ZNF41: variants seen among roughly 807,000 people sequenced by gnomAD.
ZNF41 encodes zinc finger protein 41.
A neutral mutation model predicts 9.3 loss-of-function variants in ZNF41; 6 were observed. That is an observed-to-expected ratio of 0.65 (90% CI 0.35 to 1.28). The LOEUF is 1.28. ZNF41 is among the 50% of genes most tolerant of loss of function. The probability of loss-of-function intolerance (pLI) is 0.03; values close to 1 mark genes in which losing one functional copy is unlikely to be tolerated. For missense variants in ZNF41, 523 were observed against 585.8 expected (o/e 0.89, Z 1.11); for synonymous variants, 192 against 207.1 (o/e 0.93, Z 0.63).
At chrX:47,467,817 G>T in intron 1 of ZNF41, 57 bp from the exon 2 acceptor site, 1 of 288,578 alleles carries the variant, frequency 3.5e-6, no homozygotes, top group South Asian at 6.1e-5. Context: ...AAAACATGGG[G>T]AAAATTCACA....
chrX:47,480,570 G>A, intron 1 of ZNF41, among the ~76,000 whole-genome samples: 1 of 110,165 alleles, frequency 9.1e-6, no homozygotes, highest in Non-Finnish European at 1.9e-5. Flanking sequence ...CTTAATAGAT[G>A]ATTTTTTAAA....
chrX:47,469,298 G>A (rs1194255012), intron 1 of ZNF41, among the ~76,000 whole-genome samples: 3 of 67,928 alleles, frequency 4.4e-5, no homozygotes, highest in Non-Finnish European at 7.6e-5. Flanking sequence ...GCGACAGAGC[G>A]AGACTCCGTC....
At chrX:47,458,010 G>A (rs1302353719) in intron 2 of ZNF41, among the ~76,000 whole-genome samples, 1 of 111,757 alleles carries the variant, frequency 8.9e-6, no homozygotes, top group Non-Finnish European at 1.9e-5. Context: ...GAAGGGAGTG[G>A]GGAAGAGAAT....
Position 47,462,097 on chromosome X carries a change from C to T in ZNF41, c.72+5313G>A, listed in dbSNP as rs755452502. On this transcript the variant is annotated intron_variant, in intron 2 of 4. Coordinates refer to ENST00000684689, the MANE Select transcript of ZNF41 (RefSeq NM_001324144.2). ...CTCACTGCAGCCTCAAACTCCCGGG[C>T]TCAAGGGATCCTTCCGGCCTCAGCC... Among the ~76,000 whole-genome samples the T allele has an allele frequency of 3.6e-5, 4 of 109,853 alleles. No homozygotes were observed. The East Asian group carries it at 8.6e-4, about 24-fold the overall frequency.
intron 4 of ZNF41, among the ~76,000 whole-genome samples, chrX:47,453,039 C>T (rs1438542964): frequency 8.9e-6 from 1 of 112,160 alleles, no homozygotes. Flanking sequence ...ACATACAATT[C>T]TTATGTGTCA....
chrX:47,471,712 C>A (rs1381806196), intron 1 of ZNF41, among the ~76,000 whole-genome samples: 1 of 111,375 alleles, frequency 9.0e-6, no homozygotes, highest in Admixed American at 9.6e-5. Flanking sequence ...CCTACAGTGG[C>A]AGAAGGTAAT....
Position 47,449,397 on chromosome X carries a change from T to C in ZNF41, c.373A>G (p.Ile125Val). Residue 125 changes from isoleucine (I) to valine (V), a missense_variant, in exon 5 of 5, where the codon ATA (isoleucine) becomes GTA (valine). Physicochemically the swap from Ile to Val is conservative, Grantham distance 29. Coordinates refer to ENST00000684689, the MANE Select transcript of ZNF41 (RefSeq NM_001324144.2). ...ATAGAACATAATGAATCTTCTCCTA[T>C]GGGTTGATCAAATCTCTCACAGTGG... ...FFHCERFDQP[I>V]GEDSLCSILE... 2 of 1,211,284 alleles carry C rather than the reference T, an allele frequency of 1.7e-6. No individual in the cohort carries two copies. Among genetic ancestry groups the C allele is most frequent in the Non-Finnish European group, 2.2e-6 (2 of 895,124 alleles).
intron 1 of ZNF41, among the ~76,000 whole-genome samples, chrX:47,482,255 C>G (rs78999215): frequency 9.0e-6 from 1 of 110,557 alleles, no homozygotes; most frequent in African/African-American, 3.3e-5. Flanking sequence ...TGACCCATCA[C>G]TCACCCACAA....
At chrX:47,457,257 A>G (rs1048015681) in intron 2 of ZNF41, among the ~76,000 whole-genome samples, 10 of 110,510 alleles carry the variant, frequency 9.0e-5, no homozygotes, top group Non-Finnish European at 1.9e-4. Flanking sequence ...TAAAAATACA[A>G]AAGTTAGCTG....
At chrX:47,472,725 T>G (rs1203066532) in intron 1 of ZNF41, among the ~76,000 whole-genome samples, 3 of 109,187 alleles carry the variant, frequency 2.7e-5, no homozygotes, top group Non-Finnish European at 5.7e-5. Context: ...TCTTTAAAAC[T>G]TTTTTTGTTT....
intron 2 of ZNF41, among the ~76,000 whole-genome samples, chrX:47,459,112 G>A (rs2056680997): frequency 9.1e-6 from 1 of 109,977 alleles, no homozygotes; most frequent in Non-Finnish European, 1.9e-5. Context: ...CACTTTGGGA[G>A]GCTGAGGCAG....
At chrX:47,473,331 A>C (rs1352212281) in intron 1 of ZNF41, among the ~76,000 whole-genome samples, 1 of 112,161 alleles carries the variant, frequency 8.9e-6, no homozygotes, top group African/African-American at 3.2e-5. Flanking sequence ...TGAGGATTTA[A>C]AACTATACAA....
rs1465561424 is a variant in ZNF41 at position 47,447,045 on chromosome X, G to C, written c.*385C>G. 5.7e-6 allele frequency: 1 copy of C among 174,121 alleles called. No homozygotes were observed. The highest frequency in any genetic ancestry group is 1.5e-4 in the East Asian group (1 of 6,794). 14.3% of individuals were successfully genotyped at this position (174,121 alleles called of 1,213,427 possible). On this transcript the variant is annotated 3_prime_UTR_variant, in exon 5 of 5. Transcript: ENST00000684689. ...GTATTTTTATGTCCCAGGATATGCT[G>C]AACCAATCAGTACTGAATTTAAAAA...
intron 4 of ZNF41, among the ~76,000 whole-genome samples, chrX:47,449,767 T>C (rs973255391): frequency 8.9e-6 from 1 of 112,052 alleles, no homozygotes; most frequent in South Asian, 3.7e-4. Context: ...TCATTTGTTT[T>C]ACAATTTAGA....
At chrX:47,461,341 A>G (rs6609516) in intron 2 of ZNF41, among the ~76,000 whole-genome samples, 28,590 of 108,510 alleles carry the variant, frequency 0.26, 2,952 homozygotes, top group South Asian at 0.41. Context: ...CAGGTGATCC[A>G]CCCGGCTCGG....
At chrX:47,464,820 G>C (rs2056930102) in intron 2 of ZNF41, among the ~76,000 whole-genome samples, 1 of 112,154 alleles carries the variant, frequency 8.9e-6, no homozygotes, top group Non-Finnish European at 1.9e-5. Context: ...TGATTCCCTT[G>C]CTATTTAATG....
Position 47,447,533 on chromosome X carries a change from G to A in ZNF41, c.2237C>T (p.Pro746Leu), listed in dbSNP as rs1230110129. ...MHQIIHTGKK[P>L]YACTECQKAF... Reference sequence around the variant, plus strand: ...CTTCTGACATTCTGTACAAGCATAAGGTTTCTTTCCTGTATGAATTATCTG... The same window carrying A: ...CTTCTGACATTCTGTACAAGCATAAAGTTTCTTTCCTGTATGAATTATCTG... The change falls in exon 5 of 5, where the codon CCT (proline) becomes CTT (leucine). Residue 746 changes from proline (P) to leucine (L), a missense_variant. By Grantham distance (98) the Pro-to-Leu change is moderately conservative. Coordinates refer to ENST00000684689, the MANE Select transcript of ZNF41 (RefSeq NM_001324144.2). The A allele has an allele frequency of 8.3e-7, 1 of 1,210,129 alleles. No homozygotes were observed. The highest frequency in any genetic ancestry group is 1.7e-5 in the African/African-American group (1 of 57,253).
intron 2 of ZNF41, among the ~76,000 whole-genome samples, chrX:47,460,182 T>C (rs1488074554): frequency 9.0e-6 from 1 of 111,731 alleles, no homozygotes; most frequent in African/African-American, 3.2e-5. Context: ...GGAAGATCTC[T>C]TGAGCCTGGA....
chrX:47,447,700 G>A lies in ZNF41; in HGVS notation c.2070C>T (p.Pro690=), dbSNP rs1251369678. Residue 690 remains proline (P), a synonymous_variant, in exon 5 of 5, where the codon CCC becomes CCT. Transcript: ENST00000684689. ...TTTTCCCGCAGTCACCACATTCATAGGGTTTCTCCCTAGTGTGGATTTTCT... is the reference window on the plus strand; with the variant it reads ...TTTTCCCGCAGTCACCACATTCATAAGGTTTCTCCCTAGTGTGGATTTTCT... ...THQKIHTREK[P]YECGDCGKTF... The A allele has an allele frequency of 8.3e-7, 1 of 1,211,635 alleles. No individual in the cohort carries two copies. Among genetic ancestry groups the A allele is most frequent in the Non-Finnish European group, 1.1e-6 (1 of 895,522 alleles).
Sources: gnomAD v4.1 joint callset for allele counts (sites outside exome capture counted in the v4.1 genomes callset) on GRCh38, gnomAD v4.1.1 for gene constraint, MANE v1.5 for transcripts, NCBI Gene and HGNC (gene_info 2026-07-23, HGNC 2026-07-21) for gene names.